Variants in SNX5 observed in about 807,000 individuals in gnomAD.
SNX5 encodes sorting nexin 5, also known as sorting nexin-5.
SNX5 carries 31 observed loss-of-function variants against 53.9 expected under a neutral mutation model. The ratio of observed to expected loss-of-function variants is 0.58; its 90% CI spans 0.43 to 0.78. The LOEUF (loss-of-function observed/expected upper bound fraction) is 0.78. SNX5 is among the 30% of genes least tolerant of loss of function. The probability of loss-of-function intolerance (pLI) is 0.00; values close to 1 mark genes in which losing one functional copy is unlikely to be tolerated. For missense variants in SNX5, 471 were observed against 478.8 expected (o/e 0.98, Z 0.15); for synonymous variants, 168 against 171.1 (o/e 0.98, Z 0.14).
At position 17,942,105 on chromosome 20, in the gene SNX5, G is replaced by A. The variant is rs1242410101; in HGVS notation, c.*252C>T. 2.3e-5 allele frequency: 10 copies of A among 437,870 alleles called. No homozygotes were observed. Among genetic ancestry groups the A allele is most frequent in the Admixed American group, 7.3e-5 (2 of 27,270 alleles). 27.1% of individuals were successfully genotyped at this position (437,870 alleles called of 1,614,324 possible). ...TTCTTAGTAACTAAAGACGAACTAC[G>A]GGAGAACCCAGTATTTGGATTCTGC... On this transcript the variant is annotated 3_prime_UTR_variant, in exon 13 of 13. Transcript: ENST00000377759.
intron 1 of SNX5, among the ~76,000 whole-genome samples, chr20:17,967,353 AC>A (rs1216427094): frequency 6.6e-6 from 1 of 151,472 alleles, no homozygotes; most frequent in Non-Finnish European, 1.5e-5. Context: ...CAAAAAAAAA[AC>A]CACTCTAAAC....
At chr20:17,964,391 A>G (rs2122426140) in intron 1 of SNX5, among the ~76,000 whole-genome samples, 1 of 152,352 alleles carries the variant, frequency 6.6e-6, no homozygotes, top group South Asian at 2.1e-4. Flanking sequence ...TGTAAAAAGA[A>G]GAGTCAAGCC....
chr20:17,949,022 T>C (rs1363116106), intron 9 of SNX5, 42 bp downstream of exon 9: 2 of 1,608,266 alleles, frequency 1.2e-6, no homozygotes, highest in East Asian at 2.2e-5. Flanking sequence ...AAGCTATAGA[T>C]TATAAAATAT....
chr20:17,947,244 G>T (rs1459667580), intron 11 of SNX5: 1 of 450,264 alleles, frequency 2.2e-6, no homozygotes, highest in South Asian at 3.2e-5. Flanking sequence ...ACGTTTTTAG[G>T]GCTAAAAGAA....
rs2039440188 is a variant in SNX5 at position 17,943,107 on chromosome 20, T to TA, written c.1164+2dup. ...GTTGGCTTCATCTGTAGAAAACACT[T>TA]ACCCTGGCATGTTTTATTTCCAGTT... On this transcript the variant is annotated splice_region_variant and intron_variant, in intron 12 of 12. Coordinates refer to ENST00000377759, the MANE Select transcript of SNX5 (RefSeq NM_014426.4). 1.3e-6 allele frequency: 2 copies of TA among 1,579,314 alleles called. No individual in the cohort carries two copies. The highest frequency in any genetic ancestry group is 1.1e-5 in the South Asian group (1 of 90,166).
At chr20:17,965,449 A>G (rs1312995984) in intron 1 of SNX5, among the ~76,000 whole-genome samples, 1 of 152,194 alleles carries the variant, frequency 6.6e-6, no homozygotes, top group Non-Finnish European at 1.5e-5. Flanking sequence ...GCCAAGCACA[A>G]TGGCTCATGC....
Position 17,952,658 on chromosome 20 carries a change from GAAGA to G in SNX5, c.438_441del (p.Leu147SerfsTer25), listed in dbSNP as rs753236123. On this transcript the variant is annotated frameshift_variant, in exon 5 of 13. Transcript: ENST00000377759. LOFTEE classifies it high-confidence loss of function. ...AGAACAGGGTGAGAAGAAAGCCGCTGAAGAAAGACTTCATGGGAGGACACAGTCT... is the reference window on the plus strand; with the variant it reads ...AGAACAGGGTGAGAAGAAAGCCGCTGAAGACTTCATGGGAGGACACAGTCT... 1.9e-6 allele frequency: 3 copies of G among 1,613,992 alleles called. No individual in the cohort carries two copies. The highest frequency in any genetic ancestry group is 1.3e-5 in the African/African-American group (1 of 74,926).
At chr20:17,968,300 G>A (rs1330741033) in intron 1 of SNX5, 75 bp downstream of exon 1, 3 of 1,179,496 alleles carry the variant, frequency 2.5e-6, no homozygotes, top group Non-Finnish European at 1.1e-6. Context: ...CTATGGACGC[G>A]CAAGGGAAAG....
intron 12 of SNX5, 197 bp downstream of exon 12, chr20:17,942,912 AG>A (rs2122334579): frequency 2.2e-6 from 1 of 464,070 alleles, no homozygotes; most frequent in Non-Finnish European, 3.8e-6. Flanking sequence ...AAAAAAAAAA[AG>A]TTGCTAAAAA....
intron 3 of SNX5, 80 bp from the exon 4 acceptor site, chr20:17,954,197 G>C (rs2122381014): frequency 1.3e-6 from 2 of 1,571,872 alleles, no homozygotes; most frequent in South Asian, 2.4e-5. Flanking sequence ...TACTCTTGCT[G>C]GTCCACAGGA....
chr20:17,962,950 G>A lies in SNX5; in HGVS notation c.51+5425C>T, dbSNP rs6105849. ...ATAAACTGAATCATCATTTCACAAG[G>A]CTGCAAGCCCATGTACTAATGGAAT... On this transcript the variant is annotated intron_variant, in intron 1 of 12. Coordinates refer to ENST00000377759, the MANE Select transcript of SNX5 (RefSeq NM_014426.4). 1,784 of 514,556 alleles carry A rather than the reference G, an allele frequency of 3.5e-3. 22 individuals are homozygous for A. The highest frequency in any genetic ancestry group is 0.031 in the African/African-American group (1,618 of 51,956). 31.9% of individuals were successfully genotyped at this position (514,556 alleles called of 1,614,324 possible).
intron 1 of SNX5, chr20:17,961,090 C>T (rs1600351852): frequency 1.0e-6 from 1 of 974,672 alleles, no homozygotes; most frequent in East Asian, 1.1e-4. Flanking sequence ...AGCCAAGGCA[C>T]TTCCCTAAAA....
intron 1 of SNX5, among the ~76,000 whole-genome samples, chr20:17,965,153 AGAAG>A (rs1207250974): frequency 3.3e-5 from 5 of 152,214 alleles, no homozygotes; most frequent in African/African-American, 1.2e-4. Context: ...ACACCATTTT[AGAAG>A]GAAGTCCGTT....
rs1256577911 is a variant in SNX5 at position 17,968,350 on chromosome 20, G to A, written c.51+25C>T. 31 of 1,261,174 alleles carry A rather than the reference G, an allele frequency of 2.5e-5. No homozygotes were observed. The East Asian group carries it at 8.5e-4, about 35-fold the overall frequency. 78.1% of individuals were successfully genotyped at this position (1,261,174 alleles called of 1,614,324 possible). A position where few individuals can be genotyped will look rare whatever the true frequency, so the allele number is the denominator to read the frequency against. ...GGAGCTCGCAGGGCCGCCCGCCCAG[G>A]AGTCTGAGGCTGGGAGGACCTCACC... On this transcript the variant is annotated intron_variant, in intron 1 of 12. Coordinates refer to ENST00000377759, the MANE Select transcript of SNX5 (RefSeq NM_014426.4).
chr20:17,960,412 G>A (rs766393641), intron 1 of SNX5, among the ~76,000 whole-genome samples: 8 of 152,142 alleles, frequency 5.3e-5, no homozygotes, highest in Admixed American at 1.3e-4. Context: ...TGGCCAACAC[G>A]GTGAAACCCC....
At chr20:17,961,499 GA>G in intron 1 of SNX5, 17 of 985,348 alleles carry the variant, frequency 1.7e-5, no homozygotes, top group Non-Finnish European at 1.8e-5. Context: ...GGGGCTAGTT[GA>G]ACAGTCATTT....
At chr20:17,957,976 A>C (rs932753395) in intron 1 of SNX5, among the ~76,000 whole-genome samples, 1 of 149,074 alleles carries the variant, frequency 6.7e-6, no homozygotes, top group Non-Finnish European at 1.5e-5. Context: ...AGAGGAAAAA[A>C]ACTACCTAAC....
intron 1 of SNX5, among the ~76,000 whole-genome samples, chr20:17,967,118 G>A (rs1027481041): frequency 1.3e-5 from 2 of 152,156 alleles, no homozygotes; most frequent in East Asian, 3.9e-4. Context: ...AAAACCAGCT[G>A]CAATATACTG....
At chr20:17,958,903 G>A (rs1327384806) in intron 1 of SNX5, among the ~76,000 whole-genome samples, 1 of 152,202 alleles carries the variant, frequency 6.6e-6, no homozygotes, top group Non-Finnish European at 1.5e-5. Flanking sequence ...TATCTGTCAA[G>A]GTCAGGCAGG....
Sources: gnomAD v4.1 joint callset for allele counts (sites outside exome capture counted in the v4.1 genomes callset) on GRCh38, gnomAD v4.1.1 for gene constraint, MANE v1.5 for transcripts, NCBI Gene and HGNC (gene_info 2026-07-23, HGNC 2026-07-21) for gene names.